RIIAD1: variants seen among roughly 807,000 people sequenced by gnomAD.
RIIAD1 encodes the protein regulatory subunit of type II PKA R-subunit domain containing 1.
Under a neutral mutation model 13.3 loss-of-function variants are expected in RIIAD1, and 15 were observed. The ratio of observed to expected loss-of-function variants is 1.13; its 90% CI spans 0.76 to 1.74. The LOEUF (loss-of-function observed/expected upper bound fraction) is 1.74. Ranked by LOEUF, RIIAD1 falls within the 40% of genes most tolerant of loss-of-function variation. RIIAD1 has a pLI of 0.00. For synonymous variants in RIIAD1, 50 were observed against 43.3 expected (o/e 1.16, Z -0.61); for missense variants, 121 against 112.2 (o/e 1.08, Z -0.35).
upstream of RIIAD1, among the ~76,000 whole-genome samples, chr1:151,719,209 T>C (rs570618498): frequency 2.5e-4 from 38 of 152,112 alleles, no homozygotes; most frequent in Non-Finnish European, 4.6e-4. Context: ...CAGACTCTCC[T>C]TGCTGAGTGA....
At chr1:151,724,087 T>C (rs1430908289) in intron 2 of RIIAD1, among the ~76,000 whole-genome samples, 1 of 152,216 alleles carries the variant, frequency 6.6e-6, no homozygotes, top group East Asian at 1.9e-4. Flanking sequence ...TGAATAAGAA[T>C]GAGTTGTTTC....
At chr1:151,718,156 G>A (rs1269959583), upstream of RIIAD1, among the ~76,000 whole-genome samples, 36 of 152,150 alleles carry the variant, frequency 2.4e-4, no homozygotes, top group Admixed American at 2.3e-3. Context: ...TATCACGGCA[G>A]GCAGGCTTCT....
chr1:151,720,232 A>C (rs990968201), upstream of RIIAD1, among the ~76,000 whole-genome samples: 1 of 152,176 alleles, frequency 6.6e-6, no homozygotes, highest in African/African-American at 2.4e-5. Context: ...TGGTGACTGT[A>C]CTGGCTGGCA....
intron 2 of RIIAD1, among the ~76,000 whole-genome samples, chr1:151,726,096 C>A (rs1673824549): frequency 6.6e-6 from 1 of 152,160 alleles, no homozygotes; most frequent in Non-Finnish European, 1.5e-5. Context: ...TGCTGTTTCC[C>A]TGGATCTGGA....
intron 2 of RIIAD1, among the ~76,000 whole-genome samples, chr1:151,713,096 C>CCT (rs1673164568): frequency 6.6e-6 from 1 of 152,194 alleles, no homozygotes; most frequent in Non-Finnish European, 1.5e-5. Context: ...AGGATGGAAC[C>CCT]CTCATTTCCT....
At chr1:151,716,308 G>C (rs1186458732) in intron 4 of RIIAD1, 4 of 407,924 alleles carry the variant, frequency 9.8e-6, no homozygotes, top group Non-Finnish European at 1.8e-5. Flanking sequence ...TCCCAGGATG[G>C]GGGTGAGTAT....
chr1:151,721,945 A>C, intron 1 of RIIAD1, 141 bp from the exon 2 acceptor site: 1 of 645,824 alleles, frequency 1.5e-6, no homozygotes, highest in Non-Finnish European at 2.8e-6. Context: ...CTGTAAGAAG[A>C]TGGGTGGCTT....
chr1:151,714,556 C>T (rs575517117), intron 4 of RIIAD1: 1 of 1,496,146 alleles, frequency 6.7e-7, no homozygotes. Context: ...TTCTATGGCC[C>T]TTCTCAGTCC....
intron 4 of RIIAD1, among the ~76,000 whole-genome samples, chr1:151,714,907 G>A (rs1199877754): frequency 6.6e-6 from 1 of 152,094 alleles, no homozygotes; most frequent in South Asian, 2.1e-4. Flanking sequence ...CACTTGGGCT[G>A]TCAGGAGATG....
At chr1:151,723,570 C>T (rs1164201805) in intron 2 of RIIAD1, among the ~76,000 whole-genome samples, 6 of 151,978 alleles carry the variant, frequency 3.9e-5, no homozygotes, top group South Asian at 2.1e-4. Flanking sequence ...CGTGGTGGCA[C>T]GTGCCTGTAA....
chr1:151,714,581 G>A lies in RIIAD1; in HGVS notation c.21+52G>A, dbSNP rs1204108164. The A allele has an allele frequency of 1.0e-5, 16 of 1,549,842 alleles. No homozygotes were observed. In the Admixed American group the frequency reaches 2.0e-4, roughly 19 times the overall value. ...CTTCTCAGTCCCCTGGCCCTGCAAA[G>A]GGCAGGACTCACCCCTGGAAGCGTC... On this transcript the variant is annotated intron_variant, in intron 4 of 8. Transcript: ENST00000326413.
At chr1:151,718,437 C>T (rs548518359), upstream of RIIAD1, among the ~76,000 whole-genome samples, 1 of 152,224 alleles carries the variant, frequency 6.6e-6, no homozygotes, top group Non-Finnish European at 1.5e-5. Context: ...CCACATCAAA[C>T]ATTCCTCTTG....
intron 4 of RIIAD1, chr1:151,715,621 A>G (rs764875229): frequency 6.6e-5 from 97 of 1,469,322 alleles, no homozygotes; most frequent in Middle Eastern, 1.8e-4. Flanking sequence ...CAACACACCC[A>G]TATGTCTGGG....
chr1:151,727,344 G>A (rs532378192), intron 2 of RIIAD1, among the ~76,000 whole-genome samples: 7 of 152,250 alleles, frequency 4.6e-5, no homozygotes, highest in African/African-American at 1.4e-4. Flanking sequence ...CTTTCTCGAC[G>A]TAAGCAATAT....
At chr1:151,714,542 C>A in intron 4 of RIIAD1, 1 of 1,362,236 alleles carries the variant, frequency 7.3e-7, no homozygotes, top group Non-Finnish European at 1.0e-6. Context: ...GAGCCTCCTG[C>A]CACTTCTATG....
Position 151,722,093 on chromosome 1 carries a change from C to T in RIIAD1, c.92C>T (p.Thr31Ile). The T allele has an allele frequency of 6.4e-7, 1 of 1,550,462 alleles. No homozygotes were observed. Among genetic ancestry groups the T allele is most frequent in the Non-Finnish European group, 8.7e-7 (1 of 1,145,938 alleles). ...LEQLRKFKIQTRIANEKYLRT... is the reference protein window; with the variant it reads ...LEQLRKFKIQIRIANEKYLRT... ...TTTGTTCTTGCCCCCCAGATTCAGA[C>T]TCGGATTGCTAACGAAAAGTACCTA... is the stretch of plus-strand genomic sequence containing the variant. Residue 31 changes from threonine to isoleucine, a missense_variant, in exon 2 of 5, where the codon ACT (threonine) becomes ATT (isoleucine). Physicochemically the swap from Thr to Ile is moderately conservative, Grantham distance 89. Transcript: ENST00000479191.
upstream of RIIAD1, among the ~76,000 whole-genome samples, chr1:151,720,159 T>C (rs1212760509): frequency 6.6e-6 from 1 of 152,220 alleles, no homozygotes; most frequent in Non-Finnish European, 1.5e-5. Context: ...GTGTATTTTA[T>C]ATTTGCTGCA....
At chr1:151,716,811 T>G (rs1484725341), upstream of RIIAD1, 1 of 356,480 alleles carries the variant, frequency 2.8e-6, no homozygotes. Flanking sequence ...ACCTCCCCCC[T>G]CCACACCCCC....
upstream of RIIAD1, among the ~76,000 whole-genome samples, chr1:151,718,534 G>A (rs1334198771): frequency 6.6e-6 from 1 of 152,174 alleles, no homozygotes; most frequent in African/African-American, 2.4e-5. Flanking sequence ...TCTTTTTACT[G>A]CTTGATTCTG....
Sources: allele counts gnomAD v4.1 joint callset (sites outside exome capture counted in the v4.1 genomes callset), GRCh38; gene constraint gnomAD v4.1.1; transcripts MANE v1.5; gene names NCBI Gene and HGNC (gene_info 2026-07-23, HGNC 2026-07-21).